The following MAPK10 variants were observed in gnomAD, a reference collection of about 807,000 sequenced individuals.
MAPK10 encodes the protein mitogen-activated protein kinase 10.
Under a neutral mutation model 59.3 loss-of-function variants are expected in MAPK10, and 25 were observed. The ratio of observed to expected loss-of-function variants is 0.42; its 90% CI spans 0.31 to 0.59. MAPK10 has a LOEUF of 0.59. MAPK10 is among the 20% of genes least tolerant of loss of function. The pLI, the probability that MAPK10 is intolerant of heterozygous loss-of-function variation, is 0.15. For missense variants in MAPK10, 351 were observed against 568.9 expected (o/e 0.62, Z 3.90); for synonymous variants, 190 against 200.5 (o/e 0.95, Z 0.44).
intron 1 of MAPK10, among the ~76,000 whole-genome samples, chr4:86,418,463 C>G (rs1360119611): frequency 6.6e-6 from 1 of 152,094 alleles, no homozygotes; most frequent in East Asian, 1.9e-4. Context: ...ACGAAATGCA[C>G]CAAAGCAATA....
chr4:86,560,443 C>T (rs1360535140), intron 1 of MAPK10, among the ~76,000 whole-genome samples: 1 of 152,206 alleles, frequency 6.6e-6, no homozygotes, highest in Non-Finnish European at 1.5e-5. Context: ...ATATTTATTG[C>T]AACTTATAAT....
At chr4:86,178,475 T>G (rs1391220004) in intron 3 of MAPK10, among the ~76,000 whole-genome samples, 1 of 152,134 alleles carries the variant, frequency 6.6e-6, no homozygotes, top group Non-Finnish European at 1.5e-5. Context: ...AACCACATCA[T>G]GCTGTATCTC....
chr4:86,088,126 G>A lies in MAPK10; in HGVS notation c.802+10398C>T, dbSNP rs528086198. Among the ~76,000 whole-genome samples, 3 of 151,950 alleles carry A rather than the reference G, an allele frequency of 2.0e-5. No individual in the cohort carries two copies. In the East Asian group the frequency reaches 5.8e-4, roughly 29 times the overall value. ...CACATCCATATACTAATCACTAATC[G>A]CACACTATTCATATCTATTTAATAC... On this transcript the variant is annotated intron_variant, in intron 9 of 13. Coordinates refer to ENST00000641462, the MANE Select transcript of MAPK10 (RefSeq NM_138982.4).
chr4:86,305,622 C>T (rs2095553627), intron 2 of MAPK10, among the ~76,000 whole-genome samples: 1 of 152,042 alleles, frequency 6.6e-6, no homozygotes, highest in South Asian at 2.1e-4. Flanking sequence ...AGTTCAAGAC[C>T]AGCATGGCCA....
chr4:86,275,946 C>T (rs2094563922), intron 2 of MAPK10, among the ~76,000 whole-genome samples: 1 of 152,024 alleles, frequency 6.6e-6, no homozygotes, highest in Admixed American at 6.6e-5. Context: ...TAAGGCTGTA[C>T]ATGAATAGCA....
At chr4:86,530,882 C>A (rs1757800449) in intron 1 of MAPK10, among the ~76,000 whole-genome samples, 1 of 152,096 alleles carries the variant, frequency 6.6e-6, no homozygotes, top group Non-Finnish European at 1.5e-5. Flanking sequence ...ACAGAAATGT[C>A]TTTTTTGAAC....
chr4:86,572,927 T>C (rs1761577163), intron 1 of MAPK10, among the ~76,000 whole-genome samples: 1 of 152,230 alleles, frequency 6.6e-6, no homozygotes, highest in African/African-American at 2.4e-5. Flanking sequence ...ATTTGCTATC[T>C]GGATATCTTC....
intron 2 of MAPK10, among the ~76,000 whole-genome samples, chr4:86,221,179 G>T (rs928177388): frequency 6.6e-6 from 1 of 152,126 alleles, no homozygotes; most frequent in Non-Finnish European, 1.5e-5. Flanking sequence ...ATGGAGAAGT[G>T]ATAACAGGCT....
chr4:86,013,363 G>T lies in MAPK10; in HGVS notation c.*3865C>A, dbSNP rs1200303017. 6.6e-6 allele frequency: 1 copy of T among 152,102 alleles called. No individual in the cohort carries two copies. The highest frequency in any genetic ancestry group is 2.4e-5 in the African/African-American group (1 of 41,416). The allele number at this position is 152,102 out of a possible 1,614,324, so 9.4% of individuals were successfully genotyped here. On this transcript the variant is annotated 3_prime_UTR_variant, in exon 14 of 14. Coordinates refer to ENST00000641462, the MANE Select transcript of MAPK10 (RefSeq NM_138982.4). ...TGGGGGATTGTGAGTGGGGAGTTGGGTTCCTCTTTGGATGCAAAGTGGCTG... is the reference window on the plus strand; with the variant it reads ...TGGGGGATTGTGAGTGGGGAGTTGGTTTCCTCTTTGGATGCAAAGTGGCTG...
intron 1 of MAPK10, among the ~76,000 whole-genome samples, chr4:86,538,294 G>A (rs534817594): frequency 6.6e-6 from 1 of 152,116 alleles, no homozygotes; most frequent in East Asian, 1.9e-4. Flanking sequence ...TTACAGGCAT[G>A]TACCACCATG....
At chr4:86,230,859 GCT>G (rs2091435364) in intron 2 of MAPK10, among the ~76,000 whole-genome samples, 1 of 152,048 alleles carries the variant, frequency 6.6e-6, no homozygotes, top group Admixed American at 6.6e-5. Context: ...TTAAATACTT[GCT>G]CAGTCTGCTT....
intron 2 of MAPK10, among the ~76,000 whole-genome samples, chr4:86,337,763 A>C (rs1055087613): frequency 6.6e-6 from 1 of 152,208 alleles, no homozygotes; most frequent in South Asian, 2.1e-4. Flanking sequence ...GCTGAGGCCA[A>C]CTGAATATCA....
chr4:86,182,211 T>C (rs561027373), intron 3 of MAPK10, among the ~76,000 whole-genome samples: 1 of 152,036 alleles, frequency 6.6e-6, no homozygotes, highest in Non-Finnish European at 1.5e-5. Flanking sequence ...TTAAAAAAAA[T>C]AATAAGAGTA....
intron 12 of MAPK10, among the ~76,000 whole-genome samples, chr4:86,030,887 C>T (rs28398988): frequency 0.21 from 32,284 of 152,094 alleles, 4,169 homozygotes; most frequent in African/African-American, 0.35. Context: ...ATAGGCTACT[C>T]AGATACACAT....
chr4:86,551,602 CTT>C (rs1274708319), intron 1 of MAPK10, among the ~76,000 whole-genome samples: 8 of 151,100 alleles, frequency 5.3e-5, no homozygotes, highest in Admixed American at 4.6e-4. Context: ...CTCTGTCTCT[CTT>C]TCTCTCTTTC....
chr4:86,057,430 G>A (rs935793546), intron 11 of MAPK10, among the ~76,000 whole-genome samples: 5 of 149,888 alleles, frequency 3.3e-5, no homozygotes, highest in Non-Finnish European at 7.4e-5. Flanking sequence ...TCTACAGTCA[G>A]GAAACCATAC....
chr4:86,366,680 G>A (rs557384372), intron 1 of MAPK10, among the ~76,000 whole-genome samples: 4 of 152,288 alleles, frequency 2.6e-5, no homozygotes, highest in South Asian at 2.1e-4. Flanking sequence ...TCAGAAAAGC[G>A]TGGCAGTAAG....
intron 1 of MAPK10, among the ~76,000 whole-genome samples, chr4:86,561,572 ATC>A (rs886409410): frequency 2.5e-4 from 38 of 152,272 alleles, no homozygotes; most frequent in Middle Eastern, 6.8e-3. Context: ...TGTTATTGAG[ATC>A]TGTTTCTTAT....
At chr4:86,439,431 C>G (rs1749158373) in intron 1 of MAPK10, among the ~76,000 whole-genome samples, 1 of 152,172 alleles carries the variant, frequency 6.6e-6, no homozygotes, top group African/African-American at 2.4e-5. Flanking sequence ...TAAGTTCATT[C>G]CTTTTTATTG....
Sources: allele counts gnomAD v4.1 joint callset (sites outside exome capture counted in the v4.1 genomes callset), GRCh38; gene constraint gnomAD v4.1.1; transcripts MANE v1.5; gene names NCBI Gene and HGNC (gene_info 2026-07-23, HGNC 2026-07-21).